The following SPATC1L variants were observed in gnomAD, a reference collection of about 807,000 sequenced individuals.
The protein encoded by SPATC1L is speriolin-like protein.
Under a neutral mutation model 21.2 loss-of-function variants are expected in SPATC1L, and 20 were observed. The observed-to-expected ratio is 0.94, with a 90% CI of 0.66 to 1.37. The LOEUF (loss-of-function observed/expected upper bound fraction) is 1.37. Ranked by LOEUF, SPATC1L falls within the 40% of genes most tolerant of loss-of-function variation. The pLI is 0.00. For synonymous variants in SPATC1L, 290 were observed against 234.5 expected, an observed-to-expected ratio of 1.24 and a Z score of -2.16; for missense variants, 499 against 478.7, an observed-to-expected ratio of 1.04 and a Z score of -0.40.
rs113485646 is a variant in SPATC1L at position 46,172,158 on chromosome 21, G to A, written c.194-3500C>T. On this transcript the variant is annotated intron_variant, in intron 2 of 4. Transcript: ENST00000291672. ...GTGTGAGGTGGGGGATGCAAAGAGC[G>A]TGAGGCGGGGGATGCACAGAGCGTG... Among the ~76,000 whole-genome samples the A allele has an allele frequency of 1.1e-3, 48 of 43,048 alleles. 1 individual carries two copies. Among genetic ancestry groups the A allele is most frequent in the East Asian group, 6.1e-3 (8 of 1,316 alleles). The allele number at this position is 43,048 out of a possible 152,430, so 28.2% of individuals were successfully genotyped here.
intron 2 of SPATC1L, among the ~76,000 whole-genome samples, chr21:46,177,741 T>C (rs1364277329): frequency 6.6e-6 from 1 of 152,192 alleles, no homozygotes; most frequent in African/African-American, 2.4e-5. Context: ...AACCCAGCAA[T>C]TCCATTACTG....
intron 2 of SPATC1L, among the ~76,000 whole-genome samples, chr21:46,171,817 C>T (rs2079592441): frequency 6.6e-6 from 1 of 151,286 alleles, no homozygotes; most frequent in African/African-American, 2.4e-5. Flanking sequence ...AGTTCCCAAA[C>T]AAGTCATAAT....
intron 3 of SPATC1L, among the ~76,000 whole-genome samples, chr21:46,165,472 T>C (rs78281238): frequency 0.079 from 11,407 of 143,648 alleles, 1,141 homozygotes; most frequent in African/African-American, 0.2. Flanking sequence ...GTAACCTCTG[T>C]GTTGTACCCT....
Position 46,161,274 on chromosome 21 carries a change from G to C in SPATC1L, c.*105C>G. ...CGGGGCCTTCTCTGGCCTCGCGCGC[G>C]GGGGACGCGGCCCTTTCCCCTCCGG... is the stretch of plus-strand genomic sequence containing the variant. On this transcript the variant is annotated 3_prime_UTR_variant, in exon 5 of 5. Transcript: ENST00000291672. 2.6e-6 allele frequency: 3 copies of C among 1,138,864 alleles called. No homozygotes were observed. The highest frequency in any genetic ancestry group is 3.5e-6 in the Non-Finnish European group (3 of 850,466). 70.5% of individuals were successfully genotyped at this position (1,138,864 alleles called of 1,614,324 possible). A position where few individuals can be genotyped will look rare whatever the true frequency, so the allele number is the denominator to read the frequency against.
chr21:46,173,438 G>A (rs2079608314), intron 2 of SPATC1L, among the ~76,000 whole-genome samples: 1 of 152,144 alleles, frequency 6.6e-6, no homozygotes, highest in Non-Finnish European at 1.5e-5. Flanking sequence ...TCACTCTGCT[G>A]ATGTCTGCAC....
At chr21:46,167,516 GATAA>G (rs2079549861) in intron 3 of SPATC1L, among the ~76,000 whole-genome samples, 1 of 152,138 alleles carries the variant, frequency 6.6e-6, no homozygotes. Flanking sequence ...TATTTGAAAA[GATAA>G]ATAAAATTGA....
chr21:46,168,337 T>A lies in SPATC1L; in HGVS notation c.515A>T (p.Asp172Val), dbSNP rs1227290782. The A allele has an allele frequency of 1.3e-6, 2 of 1,596,374 alleles. No individual in the cohort carries two copies. ...CFSESSLPTG[D>V]RTRRSYYLNE... ...GAGGTAGTAGCTCCTCCTGGTCCTG[T>A]CCCCGGTGGGCAGGCTGCTCTCCGA... The change falls in exon 3 of 5, where the codon GAC (aspartate) becomes GTC (valine). Residue 172 changes from aspartate to valine, a missense_variant. Asp to Val is a radical substitution (Grantham distance 152, BLOSUM62 -3). Transcript: ENST00000291672.
Position 46,168,624 on chromosome 21 carries a change from G to A in SPATC1L, c.228C>T (p.Asp76=), listed in dbSNP as rs1282670463. The A allele has an allele frequency of 7.1e-7, 1 of 1,412,778 alleles. No homozygotes were observed. The highest frequency in any genetic ancestry group is 9.3e-7 in the Non-Finnish European group (1 of 1,070,986). 87.5% of individuals were successfully genotyped at this position (1,412,778 alleles called of 1,614,324 possible). ...PDFGRFTSVA[D]TPSQLQTSSL... is the part of the protein sequence containing the mutation. The stretch of plus-strand genomic sequence containing the variant: ...AGGATGTCTGCAGTTGGGAGGGCGT[G>A]TCGGCAACACTCGTGAACCTTCCGA... Residue 76 remains aspartate, a synonymous_variant, in exon 3 of 5, where the codon GAC becomes GAT. Transcript: ENST00000291672.
chr21:46,175,645 C>T (rs1233961152), intron 2 of SPATC1L, among the ~76,000 whole-genome samples: 4 of 152,124 alleles, frequency 2.6e-5, no homozygotes, highest in African/African-American at 9.7e-5. Context: ...ATAACAAGCT[C>T]TAAAATTGAG....
Position 46,161,678 on chromosome 21 carries a change from C to T in SPATC1L, c.724G>A (p.Val242Met). 6.2e-7 allele frequency: 1 copy of T among 1,604,718 alleles called. No individual in the cohort carries two copies. The highest frequency in any genetic ancestry group is 8.5e-7 in the Non-Finnish European group (1 of 1,176,336). Residue 242 changes from valine (V) to methionine (M), a missense_variant, in exon 5 of 5, where the codon GTG becomes ATG. Coordinates refer to ENST00000291672, the MANE Select transcript of SPATC1L (RefSeq NM_001142854.2). The part of the protein sequence containing the change: ...QTSTKSLDGS[V>M]DERKLRELTQ... ...AGCTCGCGCAGCTTCCTCTCGTCCACGGAGCCGTCCAGAGACTTGGTGGAG... is the reference window on the plus strand; with the variant it reads ...AGCTCGCGCAGCTTCCTCTCGTCCATGGAGCCGTCCAGAGACTTGGTGGAG...
In SPATC1L at chr21:46,161,532, G is replaced by A; in HGVS notation, c.870C>T (p.Asp290=). 6.2e-7 allele frequency: 1 copy of A among 1,610,568 alleles called. No homozygotes were observed. Among genetic ancestry groups the A allele is most frequent in the Non-Finnish European group, 8.5e-7 (1 of 1,178,988 alleles). The change falls in exon 5 of 5, where the codon GAC becomes GAT. Residue 290 remains aspartate (D), a synonymous_variant. Coordinates refer to ENST00000291672, the MANE Select transcript of SPATC1L (RefSeq NM_001142854.2). ...TGCTGTGCAGGGGGTTGGCGCGCAG[G>A]TCGGGCCGCTGCTTCAGGATTCCGT... ...NTYGILKQRP[D]LRANPLHSSP...
intron 3 of SPATC1L, among the ~76,000 whole-genome samples, chr21:46,167,113 A>G (rs976812617): frequency 1.2e-4 from 19 of 152,350 alleles, no homozygotes; most frequent in African/African-American, 4.6e-4. Context: ...ATCAATAACA[A>G]AAGGAATTTT....
chr21:46,168,605 T>A lies in SPATC1L; in HGVS notation c.247A>T (p.Thr83Ser). The change falls in exon 3 of 5, where the codon ACA (threonine) becomes TCA (serine). Residue 83 changes from threonine (T) to serine (S), a missense_variant. Physicochemically the swap from Thr to Ser is moderately conservative, Grantham distance 58. Coordinates refer to ENST00000291672, the MANE Select transcript of SPATC1L (RefSeq NM_001142854.2). ...SVADTPSQLQTSSLEDLLCSH... is the reference protein window; with the variant it reads ...SVADTPSQLQSSSLEDLLCSH... ...CACAGCAGGTCCTCCAGGGAGGATG[T>A]CTGCAGTTGGGAGGGCGTGTCGGCA... 2 of 1,418,492 alleles carry A rather than the reference T, an allele frequency of 1.4e-6. No homozygotes were observed. Among genetic ancestry groups the A allele is most frequent in the South Asian group, 3.2e-5 (2 of 62,824 alleles). 87.9% of individuals were successfully genotyped at this position (1,418,492 alleles called of 1,614,324 possible). A position where few individuals can be genotyped will look rare whatever the true frequency, so the allele number is the denominator to read the frequency against.
intron 2 of SPATC1L, among the ~76,000 whole-genome samples, chr21:46,180,896 G>A (rs1361815376): frequency 6.6e-6 from 1 of 152,212 alleles, no homozygotes; most frequent in African/African-American, 2.4e-5. Flanking sequence ...AGCAAGACCT[G>A]GGTTTGCCAA....
intron 2 of SPATC1L, among the ~76,000 whole-genome samples, chr21:46,179,479 G>A (rs1355925214): frequency 6.6e-6 from 1 of 152,138 alleles, no homozygotes; most frequent in African/African-American, 2.4e-5. Flanking sequence ...TTTACCTCAA[G>A]GGGAAGAAAA....
At chr21:46,171,340 A>T (rs941731663) in intron 2 of SPATC1L, among the ~76,000 whole-genome samples, 3 of 151,994 alleles carry the variant, frequency 2.0e-5, no homozygotes, top group Non-Finnish European at 4.4e-5. Context: ...TCAAAAAATT[A>T]TACCTTAAAA....
intron 2 of SPATC1L, among the ~76,000 whole-genome samples, chr21:46,180,397 G>A (rs369062119): frequency 6.6e-6 from 1 of 152,222 alleles, no homozygotes; most frequent in African/African-American, 2.4e-5. Context: ...TGCGGAGGGG[G>A]CCGGAGGCGT....
chr21:46,172,708 G>A (rs979390241), intron 2 of SPATC1L, among the ~76,000 whole-genome samples: 3 of 152,212 alleles, frequency 2.0e-5, no homozygotes, highest in Non-Finnish European at 2.9e-5. Context: ...CGGGATGGCC[G>A]GCCAGATGCA....
At chr21:46,183,953 G>C (rs76817810) in intron 1 of SPATC1L, among the ~76,000 whole-genome samples, 179 bp from the exon 2 acceptor site, 1 of 132,676 alleles carries the variant, frequency 7.5e-6, no homozygotes, top group Non-Finnish European at 1.7e-5. Flanking sequence ...AGACCAGCCT[G>C]GGGGAGGAGA....
Sources: gnomAD v4.1 joint callset for allele counts (sites outside exome capture counted in the v4.1 genomes callset) on GRCh38, gnomAD v4.1.1 for gene constraint, MANE v1.5 for transcripts, NCBI Gene and HGNC (gene_info 2026-07-23, HGNC 2026-07-21) for gene names.